The following FHOD3 variants were observed in gnomAD, a reference collection of about 807,000 sequenced individuals.
FHOD3 encodes the protein FH1/FH2 domain-containing protein 3.
In FHOD3, 90 loss-of-function variants were observed where a neutral mutation model predicts 173.0. The ratio of observed to expected loss-of-function variants is 0.52; its 90% CI spans 0.44 to 0.62. FHOD3 has a LOEUF of 0.62. FHOD3 is among the 20% of genes least tolerant of loss of function. The pLI, the probability that FHOD3 is intolerant of heterozygous loss-of-function variation, is 0.00. For missense variants in FHOD3, 1,945 were observed against 2,034.7 expected (o/e 0.96, Z 0.85); for synonymous variants, 828 against 823.0 (o/e 1.01, Z -0.10).
chr18:36,588,454 C>T (rs2059111630), intron 6 of FHOD3, among the ~76,000 whole-genome samples: 1 of 152,148 alleles, frequency 6.6e-6, no homozygotes. Flanking sequence ...TAATAACCAG[C>T]ATCCATTTAT....
Position 36,574,970 on chromosome 18 carries a change from CT to C in FHOD3, c.512-1470del, listed in dbSNP as rs542873280. On this transcript the variant is annotated intron_variant, in intron 5 of 28. Coordinates refer to ENST00000590592, the MANE Select transcript of FHOD3 (RefSeq NM_001281740.3). ...ATGTGGTTTTCTTTTTCTTTTTTCT[CT>C]TTTTTTTTTTCTTTGTTCAGACAGA... Among the ~76,000 whole-genome samples, 499 of 146,378 alleles carry C rather than the reference CT, an allele frequency of 3.4e-3. 1 individual carries two copies. The highest frequency in any genetic ancestry group is 0.021 in the Middle Eastern group (6 of 280).
In FHOD3 at chr18:36,576,501, C is replaced by A. The variant is rs143579901; in HGVS notation, c.562C>A (p.Arg188Ser). 3 of 1,613,486 alleles carry A rather than the reference C, an allele frequency of 1.9e-6. No individual in the cohort carries two copies. Among genetic ancestry groups the A allele is most frequent in the Non-Finnish European group, 2.5e-6 (3 of 1,179,818 alleles). The change falls in exon 6 of 29, where the codon CGC becomes AGC. Residue 188 changes from arginine to serine, a missense_variant. Arg to Ser is a moderately radical substitution (Grantham distance 110). This residue lies in a region of FHOD3 where 245 missense variants were observed against 267.7 expected (regional missense o/e 0.92). Transcript: ENST00000590592. ...GGATGGAATGAATGGAGTAATAAAC[C>A]GCAATGAAACCATTCAGTGGCTGTA... ...YVDGMNGVIN[R>S]NETIQWLYTL...
chr18:36,313,553 T>C (rs1198592019), intron 1 of FHOD3, among the ~76,000 whole-genome samples: 2 of 152,224 alleles, frequency 1.3e-5, no homozygotes, highest in African/African-American at 4.8e-5. Context: ...GACTGGCTTC[T>C]TCACTCTGCA....
At chr18:36,582,758 G>A (rs573711424) in intron 6 of FHOD3, among the ~76,000 whole-genome samples, 5 of 152,310 alleles carry the variant, frequency 3.3e-5, no homozygotes, top group South Asian at 2.1e-4. Flanking sequence ...GCTGGGATGC[G>A]ATGTCATTCT....
chr18:36,700,147 A>G (rs2039502449), intron 17 of FHOD3, among the ~76,000 whole-genome samples: 1 of 151,956 alleles, frequency 6.6e-6, no homozygotes, highest in Admixed American at 6.6e-5. Context: ...ATCTTCATAC[A>G]CATCCTCTCA....
intron 14 of FHOD3, among the ~76,000 whole-genome samples, chr18:36,667,463 A>G (rs1343875292): frequency 1.3e-5 from 2 of 152,162 alleles, no homozygotes; most frequent in African/African-American, 2.4e-5. Flanking sequence ...AAACTTTCCC[A>G]TGAAGAAAGC....
chr18:36,647,776 CAATG>C (rs2035790916), intron 10 of FHOD3, among the ~76,000 whole-genome samples: 1 of 152,174 alleles, frequency 6.6e-6, no homozygotes, highest in Non-Finnish European at 1.5e-5. Context: ...GTAACTATGT[CAATG>C]AATCCCACAG....
At chr18:36,337,063 C>T (rs2045354053) in intron 1 of FHOD3, among the ~76,000 whole-genome samples, 1 of 149,858 alleles carries the variant, frequency 6.7e-6, no homozygotes, top group Admixed American at 6.7e-5. Context: ...GTCCTAGTTA[C>T]TCGGGAGGCT....
chr18:36,470,115 C>A (rs1180158786), intron 3 of FHOD3, among the ~76,000 whole-genome samples: 1 of 152,124 alleles, frequency 6.6e-6, no homozygotes, highest in East Asian at 1.9e-4. Flanking sequence ...AGGGGCCATG[C>A]CTGGGCTGCC....
intron 14 of FHOD3, among the ~76,000 whole-genome samples, chr18:36,658,844 G>C (rs1250538487): frequency 6.6e-6 from 1 of 152,176 alleles, no homozygotes; most frequent in Non-Finnish European, 1.5e-5. Context: ...CACTCACTTG[G>C]AAGTTATTTA....
intron 1 of FHOD3, among the ~76,000 whole-genome samples, chr18:36,302,850 T>G (rs868766755): frequency 6.6e-6 from 1 of 152,242 alleles, no homozygotes; most frequent in African/African-American, 2.4e-5. Flanking sequence ...AGTGTCTCCA[T>G]GTAAGCAGAA....
At chr18:36,333,575 C>T (rs2045136905) in intron 1 of FHOD3, among the ~76,000 whole-genome samples, 1 of 152,360 alleles carries the variant, frequency 6.6e-6, no homozygotes, top group African/African-American at 2.4e-5. Context: ...ACCACGTTTA[C>T]ACAATCCAGT....
At chr18:36,596,531 A>C (rs2148394370) in intron 7 of FHOD3, among the ~76,000 whole-genome samples, 1 of 151,972 alleles carries the variant, frequency 6.6e-6, no homozygotes, top group East Asian at 1.9e-4. Flanking sequence ...TGAATGCTGA[A>C]TCCAAATGTG....
chr18:36,512,670 C>T, intron 5 of FHOD3, 127 bp downstream of exon 5: 2 of 654,946 alleles, frequency 3.1e-6, no homozygotes, highest in Non-Finnish European at 5.2e-6. Flanking sequence ...TAAAGACACC[C>T]TTTGGCAAAA....
intron 6 of FHOD3, among the ~76,000 whole-genome samples, chr18:36,581,646 A>G (rs940578987): frequency 6.6e-6 from 1 of 152,124 alleles, no homozygotes; most frequent in African/African-American, 2.4e-5. Flanking sequence ...TATCTGGAGG[A>G]GCCCTGGCCA....
At chr18:36,725,994 A>T (rs989249324) in intron 19 of FHOD3, among the ~76,000 whole-genome samples, 9 of 152,090 alleles carry the variant, frequency 5.9e-5, no homozygotes, top group African/African-American at 2.2e-4. Flanking sequence ...TGACACTTTC[A>T]TACATATATT....
At chr18:36,389,274 G>A (rs2048183500) in intron 3 of FHOD3, among the ~76,000 whole-genome samples, 1 of 152,014 alleles carries the variant, frequency 6.6e-6, no homozygotes, top group African/African-American at 2.4e-5. Flanking sequence ...TTCTCCCTTA[G>A]GTCAACACTC....
intron 1 of FHOD3, among the ~76,000 whole-genome samples, chr18:36,306,097 A>T (rs59189285): frequency 0.026 from 3,979 of 152,246 alleles, 191 homozygotes; most frequent in African/African-American, 0.091. Flanking sequence ...ATAAGGAGGA[A>T]ACTTATTTCT....
chr18:36,605,697 G>GTTTGT (rs2031990167), intron 8 of FHOD3, among the ~76,000 whole-genome samples: 1 of 152,104 alleles, frequency 6.6e-6, no homozygotes, highest in African/African-American at 2.4e-5. Flanking sequence ...GTCATGCCGG[G>GTTTGT]TTTGTTTTGT....
Sources: allele counts gnomAD v4.1 joint callset (sites outside exome capture counted in the v4.1 genomes callset), GRCh38; gene constraint gnomAD v4.1.1; regional missense constraint gnomAD v4.1.1; transcripts MANE v1.5; gene names NCBI Gene and HGNC (gene_info 2026-07-23, HGNC 2026-07-21).